The following H2BC6 variants were observed in gnomAD, a reference collection of about 807,000 sequenced individuals.
H2BC6 encodes the protein H2B clustered histone 6, also known as histone H2B type 1-C/E/F/G/I.
H2BC6 carries 8 observed loss-of-function variants against 6.1 expected under a neutral mutation model. The ratio of observed to expected loss-of-function variants is 1.31; its 90% CI spans 0.77 to 2.36. The LOEUF (loss-of-function observed/expected upper bound fraction) is 2.36. Ranked by LOEUF, H2BC6 falls within the 30% of genes most tolerant of loss-of-function variation. The probability of loss-of-function intolerance (pLI) is 0.00; values close to 1 mark genes in which losing one functional copy is unlikely to be tolerated. For synonymous variants in H2BC6, 136 were observed against 73.9 expected, an observed-to-expected ratio of 1.84 and a Z score of -4.31; for missense variants, 212 against 169.9, an observed-to-expected ratio of 1.25 and a Z score of -1.38.
Position 26,183,795 on chromosome 6 carries a change from C to T in H2BC6, c.-1C>T, listed in dbSNP as rs1399396221. The T allele has an allele frequency of 1.9e-6, 3 of 1,614,064 alleles. No homozygotes were observed. Among genetic ancestry groups the T allele is most frequent in the East Asian group, 2.2e-5 (1 of 44,886 alleles). ...CCTAACTGCAGAACAGCAAAGATAGCATGCCTGAGCCAGCGAAATCCGCTC... is the reference window on the plus strand; with the variant it reads ...CCTAACTGCAGAACAGCAAAGATAGTATGCCTGAGCCAGCGAAATCCGCTC... On this transcript the variant is annotated 5_prime_UTR_variant, in exon 1 of 1. Transcript: ENST00000614097.
Position 26,183,912 on chromosome 6 carries a change from C to A in H2BC6, c.117C>A (p.Ser39=). The change falls in exon 1 of 1, where the codon TCC becomes TCA. Residue 39 remains serine, a synonymous_variant. Coordinates refer to ENST00000614097, the MANE Select transcript of H2BC6 (RefSeq NM_003523.3). ...KRKRSRKESY[S]VYVYKVLKQV... ...AGCGCAGCCGCAAGGAGAGCTACTC[C>A]GTATACGTGTACAAGGTGCTGAAAC... 1 of 1,614,270 alleles carries A rather than the reference C, an allele frequency of 6.2e-7. No individual in the cohort carries two copies. The highest frequency in any genetic ancestry group is 8.5e-7 in the Non-Finnish European group (1 of 1,180,048).
chr6:26,184,070 C>A lies in H2BC6; in HGVS notation c.275C>A (p.Ser92Tyr). The change falls in exon 1 of 1, where the codon TCC (serine) becomes TAC (tyrosine). Residue 92 changes from serine to tyrosine, a missense_variant. Coordinates refer to ENST00000614097, the MANE Select transcript of H2BC6 (RefSeq NM_003523.3). ...TACAACAAGCGCTCGACCATCACCT[C>A]CAGGGAGATCCAGACGGCCGTGCGC... ...AHYNKRSTIT[S>Y]REIQTAVRLL... 1 of 1,614,252 alleles carries A rather than the reference C, an allele frequency of 6.2e-7. No individual in the cohort carries two copies. Among genetic ancestry groups the A allele is most frequent in the South Asian group, 1.1e-5 (1 of 91,092 alleles).
rs561213967 is a variant in H2BC6 at position 26,184,193 on chromosome 6, G to A, written c.*17G>A. The A allele has an allele frequency of 1.4e-5, 23 of 1,613,090 alleles. No homozygotes were observed. The South Asian group carries it at 2.4e-4, about 17-fold the overall frequency. ...TCCAAGTAAACTTGTCCCTGCAACT[G>A]CCTTAGTAAACCCAAAGGCTCTTTT... is the stretch of plus-strand genomic sequence containing the variant. On this transcript the variant is annotated 3_prime_UTR_variant, in exon 1 of 1. Coordinates refer to ENST00000614097, the MANE Select transcript of H2BC6 (RefSeq NM_003523.3).
At position 26,184,084 on chromosome 6, in the gene H2BC6, A is replaced by G; in HGVS notation, c.289A>G (p.Thr97Ala). The G allele has an allele frequency of 6.2e-7, 1 of 1,614,202 alleles. No homozygotes were observed. The highest frequency in any genetic ancestry group is 8.5e-7 in the Non-Finnish European group (1 of 1,180,036). The change falls in exon 1 of 1, where the codon ACG becomes GCG. Residue 97 changes from threonine (T) to alanine (A), a missense_variant. By Grantham distance (58) the Thr-to-Ala change is moderately conservative (BLOSUM62 0). Transcript: ENST00000614097. The stretch of plus-strand genomic sequence containing the variant: ...GACCATCACCTCCAGGGAGATCCAG[A>G]CGGCCGTGCGCCTGCTGCTTCCCGG... Reference protein sequence around the residue: ...RSTITSREIQTAVRLLLPGEL... With the variant: ...RSTITSREIQAAVRLLLPGEL...
chr6:26,184,176 A>C lies in H2BC6; in HGVS notation c.381A>C (p.Ter127TyrextTer?), dbSNP rs1764746284. The stretch of plus-strand genomic sequence containing the variant: ...TTACCAAGTACACCAGCTCCAAGTA[A>C]ACTTGTCCCTGCAACTGCCTTAGTA... ...KAVTKYTSSK* is the reference protein window; with the variant it reads ...KAVTKYTSSKY The change falls in exon 1 of 1, where the codon TAA becomes TAC. Residue 127 changes from the stop codon to tyrosine, a stop_lost. Coordinates refer to ENST00000614097, the MANE Select transcript of H2BC6 (RefSeq NM_003523.3). 6.2e-7 allele frequency: 1 copy of C among 1,613,796 alleles called. No individual in the cohort carries two copies. The highest frequency in any genetic ancestry group is 1.3e-5 in the African/African-American group (1 of 74,916).
chr6:26,184,230 A>G lies in H2BC6; in HGVS notation c.*54A>G, dbSNP rs1764748401. On this transcript the variant is annotated 3_prime_UTR_variant, in exon 1 of 1. Coordinates refer to ENST00000614097, the MANE Select transcript of H2BC6 (RefSeq NM_003523.3). The stretch of plus-strand genomic sequence containing the variant: ...CCAAAGGCTCTTTTCAGAGCCACTC[A>G]CCTTTTCACAATTGGAGCTATATAC... 1.9e-6 allele frequency: 3 copies of G among 1,588,022 alleles called. No homozygotes were observed. The highest frequency in any genetic ancestry group is 2.3e-5 in the South Asian group (2 of 88,182).
chr6:26,184,208 A>C lies in H2BC6; in HGVS notation c.*32A>C. 1 of 1,610,736 alleles carries C rather than the reference A, an allele frequency of 6.2e-7. No individual in the cohort carries two copies. Among genetic ancestry groups the C allele is most frequent in the Non-Finnish European group, 8.5e-7 (1 of 1,178,406 alleles). On this transcript the variant is annotated 3_prime_UTR_variant, in exon 1 of 1. Transcript: ENST00000614097. ...CCCTGCAACTGCCTTAGTAAACCCAAAGGCTCTTTTCAGAGCCACTCACCT... is the reference window on the plus strand; with the variant it reads ...CCCTGCAACTGCCTTAGTAAACCCACAGGCTCTTTTCAGAGCCACTCACCT...
rs762799171 is a variant in H2BC6 at position 26,183,965 on chromosome 6, C to T, written c.170C>T (p.Ser57Phe). The stretch of plus-strand genomic sequence containing the variant: ...GTCCACCCCGACACCGGCATCTCCT[C>T]TAAAGCCATGGGGATCATGAATTCC... ...KQVHPDTGIS[S>F]KAMGIMNSFV... Residue 57 changes from serine to phenylalanine, a missense_variant, in exon 1 of 1, where the codon TCT becomes TTT. Physicochemically the swap from Ser to Phe is radical, Grantham distance 155. Transcript: ENST00000614097. The T allele has an allele frequency of 5.0e-6, 8 of 1,614,256 alleles. No homozygotes were observed. The highest frequency in any genetic ancestry group is 1.6e-4 in the Middle Eastern group (1 of 6,062).
Position 26,183,791 on chromosome 6 carries a change from A to T in H2BC6, c.-5A>T, listed in dbSNP as rs756123849. 1.1e-5 allele frequency: 17 copies of T among 1,613,878 alleles called. 1 individual carries two copies. In the South Asian group the frequency reaches 1.6e-4, roughly 16 times the overall value. On this transcript the variant is annotated 5_prime_UTR_variant, in exon 1 of 1. Coordinates refer to ENST00000614097, the MANE Select transcript of H2BC6 (RefSeq NM_003523.3). ...CTTTCCTAACTGCAGAACAGCAAAG[A>T]TAGCATGCCTGAGCCAGCGAAATCC...
Position 26,184,198 on chromosome 6 carries a change from A to G in H2BC6, c.*22A>G, listed in dbSNP as rs574763920. ...GTAAACTTGTCCCTGCAACTGCCTT[A>G]GTAAACCCAAAGGCTCTTTTCAGAG... On this transcript the variant is annotated 3_prime_UTR_variant, in exon 1 of 1. Transcript: ENST00000614097. 6.2e-7 allele frequency: 1 copy of G among 1,612,804 alleles called. No homozygotes were observed. The highest frequency in any genetic ancestry group is 2.2e-5 in the East Asian group (1 of 44,880).
chr6:26,183,918 C>A lies in H2BC6; in HGVS notation c.123C>A (p.Tyr41Ter). The A allele has an allele frequency of 1.2e-6, 2 of 1,614,258 alleles. No homozygotes were observed. Among genetic ancestry groups the A allele is most frequent in the African/African-American group, 1.3e-5 (1 of 75,066 alleles). ...KRSRKESYSVYVYKVLKQVHP... is the reference protein window; with the variant it reads ...KRSRKESYSV ...GCCGCAAGGAGAGCTACTCCGTATA[C>A]GTGTACAAGGTGCTGAAACAGGTCC... is the stretch of plus-strand genomic sequence containing the variant. The change falls in exon 1 of 1, where the codon TAC becomes TAA. Residue 41 changes from tyrosine to a stop codon, truncating the protein, a stop_gained. Coordinates refer to ENST00000614097, the MANE Select transcript of H2BC6 (RefSeq NM_003523.3). LOFTEE classifies it high-confidence loss of function.
In H2BC6 at chr6:26,183,855, C is replaced by T. The variant is rs141005448; in HGVS notation, c.60C>T (p.Thr20=). Residue 20 remains threonine (T), a synonymous_variant, in exon 1 of 1, where the codon ACC becomes ACT. Transcript: ENST00000614097. ...AGAAGGGCTCCAAGAAGGCCGTGAC[C>T]AAGGCGCAGAAGAAGGACGGCAAGA... ...APKKGSKKAV[T]KAQKKDGKKR... is the part of the protein sequence containing the mutation. 2.7e-3 allele frequency: 4,378 copies of T among 1,614,220 alleles called. 46 individuals are homozygous for T. Among genetic ancestry groups the T allele is most frequent in the Non-Finnish European group, 2.7e-3 (3,150 of 1,180,042 alleles).
rs906905912 is a variant in H2BC6 at position 26,183,946 on chromosome 6, C to T, written c.151C>T (p.Pro51Ser). The T allele has an allele frequency of 2.5e-6, 4 of 1,614,118 alleles. No individual in the cohort carries two copies. The highest frequency in any genetic ancestry group is 1.3e-5 in the African/African-American group (1 of 74,940). Residue 51 changes from proline to serine, a missense_variant, in exon 1 of 1, where the codon CCC becomes TCC. By Grantham distance (74) the Pro-to-Ser change is moderately conservative (BLOSUM62 -1). Transcript: ENST00000614097. ...YVYKVLKQVHPDTGISSKAMG... is the reference protein window; with the variant it reads ...YVYKVLKQVHSDTGISSKAMG... ...GTACAAGGTGCTGAAACAGGTCCAC[C>T]CCGACACCGGCATCTCCTCTAAAGC...
At position 26,183,766 on chromosome 6, in the gene H2BC6, C is replaced by G. The variant is rs1458197708; in HGVS notation, c.-30C>G. 1.9e-6 allele frequency: 3 copies of G among 1,606,504 alleles called. No homozygotes were observed. Among genetic ancestry groups the G allele is most frequent in the Non-Finnish European group, 2.5e-6 (3 of 1,177,728 alleles). On this transcript the variant is annotated 5_prime_UTR_variant, in exon 1 of 1. Coordinates refer to ENST00000614097, the MANE Select transcript of H2BC6 (RefSeq NM_003523.3). ...GATCAGGAGATGTAGATTTCATTTT[C>G]TTTCCTAACTGCAGAACAGCAAAGA...
In H2BC6 at chr6:26,183,979, A is replaced by G. The variant is rs185241633; in HGVS notation, c.184A>G (p.Ile62Val). 6.2e-7 allele frequency: 1 copy of G among 1,614,226 alleles called. No homozygotes were observed. The highest frequency in any genetic ancestry group is 1.3e-5 in the African/African-American group (1 of 75,062). ...DTGISSKAMG[I>V]MNSFVNDIFE... Reference sequence around the variant, plus strand: ...CGGCATCTCCTCTAAAGCCATGGGGATCATGAATTCCTTTGTCAACGACAT... The same window carrying G: ...CGGCATCTCCTCTAAAGCCATGGGGGTCATGAATTCCTTTGTCAACGACAT... The change falls in exon 1 of 1, where the codon ATC becomes GTC. Residue 62 changes from isoleucine to valine, a missense_variant. Coordinates refer to ENST00000614097, the MANE Select transcript of H2BC6 (RefSeq NM_003523.3).
Position 26,184,085 on chromosome 6 carries a change from C to T in H2BC6, c.290C>T (p.Thr97Met). The T allele has an allele frequency of 5.6e-6, 9 of 1,614,238 alleles. No individual in the cohort carries two copies. The highest frequency in any genetic ancestry group is 7.6e-6 in the Non-Finnish European group (9 of 1,180,048). Residue 97 changes from threonine to methionine, a missense_variant, in exon 1 of 1, where the codon ACG becomes ATG. By Grantham distance (81) the Thr-to-Met change is moderately conservative. Transcript: ENST00000614097. ...ACCATCACCTCCAGGGAGATCCAGA[C>T]GGCCGTGCGCCTGCTGCTTCCCGGG... ...RSTITSREIQ[T>M]AVRLLLPGEL...
Position 26,183,861 on chromosome 6 carries a change from G to T in H2BC6, c.66G>T (p.Ala22=), listed in dbSNP as rs371699016. The change falls in exon 1 of 1, where the codon GCG becomes GCT. Residue 22 remains alanine, a synonymous_variant. Transcript: ENST00000614097. The part of the protein sequence containing the change: ...KKGSKKAVTK[A]QKKDGKKRKR... ...GCTCCAAGAAGGCCGTGACCAAGGC[G>T]CAGAAGAAGGACGGCAAGAAGCGCA... The T allele has an allele frequency of 1.9e-6, 3 of 1,614,124 alleles. No homozygotes were observed. The highest frequency in any genetic ancestry group is 2.2e-5 in the East Asian group (1 of 44,898).
chr6:26,184,083 G>A lies in H2BC6; in HGVS notation c.288G>A (p.Gln96=), dbSNP rs1417594207. ...CGACCATCACCTCCAGGGAGATCCA[G>A]ACGGCCGTGCGCCTGCTGCTTCCCG... is the stretch of plus-strand genomic sequence containing the variant. ...KRSTITSREI[Q]TAVRLLLPGE... is the part of the protein sequence containing the mutation. The change falls in exon 1 of 1, where the codon CAG becomes CAA. Residue 96 remains glutamine, a synonymous_variant. Coordinates refer to ENST00000614097, the MANE Select transcript of H2BC6 (RefSeq NM_003523.3). 1 of 1,614,144 alleles carries A rather than the reference G, an allele frequency of 6.2e-7. No homozygotes were observed. Among genetic ancestry groups the A allele is most frequent in the African/African-American group, 1.3e-5 (1 of 74,950 alleles).
rs1162379492 is a variant in H2BC6, at chr6:26,183,901, G to T, written c.106G>T (p.Glu36Ter). ...DGKKRKRSRK[E>*]SYSVYVYKVL... ...CAAGAAGCGCAAGCGCAGCCGCAAG[G>T]AGAGCTACTCCGTATACGTGTACAA... The change falls in exon 1 of 1, where the codon GAG (glutamate) becomes TAG (stop). Residue 36 changes from glutamate (E) to a stop codon, truncating the protein, a stop_gained. Transcript: ENST00000614097. LOFTEE classifies it high-confidence loss of function. 1 of 1,614,270 alleles carries T rather than the reference G, an allele frequency of 6.2e-7. No homozygotes were observed. The highest frequency in any genetic ancestry group is 1.1e-5 in the South Asian group (1 of 91,090).
Sources: allele counts gnomAD v4.1 joint callset, GRCh38; gene constraint gnomAD v4.1.1; transcripts MANE v1.5; gene names NCBI Gene and HGNC (gene_info 2026-07-23, HGNC 2026-07-21).